The following ELOVL6 variants were observed in gnomAD, a reference collection of about 807,000 sequenced individuals.
ELOVL6 encodes the protein very long chain fatty acid elongase 6.
Under a neutral mutation model 31.7 loss-of-function variants are expected in ELOVL6, and 8 were observed. The observed-to-expected ratio is 0.25, with a 90% confidence interval of 0.15 to 0.45. ELOVL6 has a LOEUF of 0.45. Among genes scored for constraint, ELOVL6 ranks in the 20% least tolerant of loss-of-function variants. The pLI, the probability that ELOVL6 is intolerant of heterozygous loss-of-function variation, is 1.00. For synonymous variants in ELOVL6, 101 were observed against 117.7 expected (o/e 0.86, Z 0.92); for missense variants, 126 against 326.4 (o/e 0.39, Z 4.73).
intron 1 of ELOVL6, among the ~76,000 whole-genome samples, chr4:110,189,579 C>T (rs1457828180): frequency 1.1e-5 from 1 of 91,098 alleles, no homozygotes; most frequent in East Asian, 3.6e-4. Flanking sequence ...GGAGACACAG[C>T]AAGACTCTGT....
chr4:110,096,516 A>G (rs999426611), intron 2 of ELOVL6, among the ~76,000 whole-genome samples: 1 of 152,190 alleles, frequency 6.6e-6, no homozygotes, highest in Non-Finnish European at 1.5e-5. Context: ...TTACCTACTC[A>G]TGATGCTCCT....
intron 1 of ELOVL6, among the ~76,000 whole-genome samples, chr4:110,106,316 C>T (rs1240749712): frequency 6.6e-6 from 1 of 152,124 alleles, no homozygotes; most frequent in East Asian, 1.9e-4. Context: ...ATTTTTGAGA[C>T]TCCATCTCAA....
At chr4:110,066,215 G>A (rs2126224901) in intron 2 of ELOVL6, among the ~76,000 whole-genome samples, 1 of 152,252 alleles carries the variant, frequency 6.6e-6, no homozygotes, top group Middle Eastern at 3.4e-3. Context: ...CTTAGACTCT[G>A]ACAGTTTCCA....
At chr4:110,120,052 T>C (rs1053833928) in intron 1 of ELOVL6, among the ~76,000 whole-genome samples, 2 of 152,206 alleles carry the variant, frequency 1.3e-5, no homozygotes, top group African/African-American at 4.8e-5. Flanking sequence ...AGTGTGTATG[T>C]GACTCAACAT....
At chr4:110,084,399 A>G (rs1379753095) in intron 2 of ELOVL6, among the ~76,000 whole-genome samples, 3 of 96,422 alleles carry the variant, frequency 3.1e-5, no homozygotes, top group African/African-American at 1.2e-4. Flanking sequence ...TATATGATAT[A>G]TGATATATGA....
intron 1 of ELOVL6, among the ~76,000 whole-genome samples, chr4:110,159,964 T>C (rs971367094): frequency 4.6e-5 from 7 of 152,174 alleles, no homozygotes; most frequent in Non-Finnish European, 1.0e-4. Context: ...ATTCATGTCG[T>C]TATTATTGAG....
chr4:110,079,913 C>A (rs970093366), intron 2 of ELOVL6, among the ~76,000 whole-genome samples: 2 of 152,082 alleles, frequency 1.3e-5, no homozygotes, highest in African/African-American at 4.8e-5. Context: ...GGGGATATCA[C>A]CACCGATCCC....
At chr4:110,187,882 A>G (rs1008279126) in intron 1 of ELOVL6, among the ~76,000 whole-genome samples, 10 of 152,172 alleles carry the variant, frequency 6.6e-5, no homozygotes, top group Non-Finnish European at 1.3e-4. Context: ...GAAAAGAATT[A>G]AAGGTGTTTC....
intron 2 of ELOVL6, 118 bp downstream of exon 2, chr4:110,105,379 G>T: frequency 9.5e-7 from 1 of 1,056,728 alleles, no homozygotes; most frequent in Non-Finnish European, 1.4e-6. Flanking sequence ...TTTATTTTAT[G>T]TCCTCATCAT....
intron 1 of ELOVL6, among the ~76,000 whole-genome samples, chr4:110,125,336 A>T (rs1015501086): frequency 2.0e-5 from 3 of 152,178 alleles, no homozygotes; most frequent in Non-Finnish European, 4.4e-5. Flanking sequence ...CTTTAAAAAC[A>T]TAAACACTTT....
intron 1 of ELOVL6, among the ~76,000 whole-genome samples, chr4:110,162,378 A>T (rs114062372): frequency 0.015 from 2,352 of 152,204 alleles, 64 homozygotes; most frequent in African/African-American, 0.053. Flanking sequence ...CAGGGTCTCA[A>T]TGTGTTGCCC....
chr4:110,169,256 T>TTTG (rs1758872638), intron 1 of ELOVL6, among the ~76,000 whole-genome samples: 1 of 151,116 alleles, frequency 6.6e-6, no homozygotes, highest in Non-Finnish European at 1.5e-5. Context: ...TTTTTTTTTT[T>TTTG]GAGACGGAGT....
At chr4:110,120,764 A>G (rs940572723) in intron 1 of ELOVL6, among the ~76,000 whole-genome samples, 5 of 147,296 alleles carry the variant, frequency 3.4e-5, no homozygotes, top group Admixed American at 1.4e-4. Flanking sequence ...GGAATGTTAC[A>G]CTTCTCAGCT....
Position 110,084,563 on chromosome 4 carries a change from GATATAT to G in ELOVL6, c.221+20928_221+20933del, listed in dbSNP as rs1553956219. 5.7e-3 allele frequency among the ~76,000 whole-genome samples: 253 copies of G among 44,530 alleles called. 10 individuals carry two copies. The highest frequency in any genetic ancestry group is 0.018 in the African/African-American group (143 of 7,784). 29.2% of individuals were successfully genotyped at this position (44,530 alleles called of 152,430 possible). ...ACACACACACACACACACACACACAGATATATATATATATATATATATATATTTTTT... is the reference window on the plus strand; with the variant it reads ...ACACACACACACACACACACACACAGATATATATATATATATATATTTTTT... On this transcript the variant is annotated intron_variant, in intron 2 of 3. Coordinates refer to ENST00000302274, the MANE Select transcript of ELOVL6 (RefSeq NM_024090.3).
At chr4:110,053,414 G>T (rs532267782) in intron 3 of ELOVL6, among the ~76,000 whole-genome samples, 49 of 152,354 alleles carry the variant, frequency 3.2e-4, no homozygotes, top group African/African-American at 1.1e-3. Context: ...TGGCTGGAAA[G>T]ATACAGGTGG....
At chr4:110,106,125 G>A (rs1169125250) in intron 1 of ELOVL6, among the ~76,000 whole-genome samples, 1 of 152,208 alleles carries the variant, frequency 6.6e-6, no homozygotes, top group Non-Finnish European at 1.5e-5. Context: ...GGGAGGCAGA[G>A]GTGGGTGGAT....
intron 1 of ELOVL6, among the ~76,000 whole-genome samples, chr4:110,145,282 G>T (rs1049371122): frequency 2.0e-5 from 3 of 152,210 alleles, no homozygotes; most frequent in South Asian, 4.2e-4. Context: ...TGGAGCCAGG[G>T]TTATGCACTG....
chr4:110,079,566 G>GAA (rs1448814167), intron 2 of ELOVL6, among the ~76,000 whole-genome samples: 1 of 152,120 alleles, frequency 6.6e-6, no homozygotes, highest in Non-Finnish European at 1.5e-5. Context: ...GAACATACCA[G>GAA]AATCTCTGGG....
chr4:110,061,549 C>CTTTTTTTTTTTTTTTTTTTTTTTT lies in ELOVL6; in HGVS notation c.222-1819_222-1796dup, dbSNP rs57846282. Among the ~76,000 whole-genome samples, 17 of 72,378 alleles carry CTTTTTTTTTTTTTTTTTTTTTTTT rather than the reference C, an allele frequency of 2.3e-4. 4 individuals carry two copies. Among genetic ancestry groups the CTTTTTTTTTTTTTTTTTTTTTTTT allele is most frequent in the South Asian group, 1.1e-3 (2 of 1,784 alleles). The allele number at this position is 72,378 out of a possible 152,430, so 47.5% of individuals were successfully genotyped here. On this transcript the variant is annotated intron_variant, in intron 2 of 3. Coordinates refer to ENST00000302274, the MANE Select transcript of ELOVL6 (RefSeq NM_024090.3). ...CTGTCTTTCCCTCACCAAATGATGGCTTTTTTTTTTTTTTTTTTTTTTTTT... is the reference window on the plus strand; with the variant it reads ...CTGTCTTTCCCTCACCAAATGATGGCTTTTTTTTTTTTTTTTTTTTTTTTTTTTTTTTTTTTTTTTTTTTTTTTT...
Sources: allele counts gnomAD v4.1 joint callset (sites outside exome capture counted in the v4.1 genomes callset), GRCh38; gene constraint gnomAD v4.1.1; transcripts MANE v1.5; gene names NCBI Gene and HGNC (gene_info 2026-07-23, HGNC 2026-07-21).